Variants in BHMT observed in about 807,000 individuals in gnomAD.
BHMT encodes betaine--homocysteine S-methyltransferase, also known as betaine--homocysteine S-methyltransferase 1.
A neutral mutation model predicts 49.5 loss-of-function variants in BHMT; 38 were observed. The observed-to-expected ratio is 0.77, with a 90% CI of 0.59 to 1.01. BHMT has a LOEUF of 1.01. Among genes scored for constraint, BHMT ranks in the 50% least tolerant of loss-of-function variants. The pLI is 0.00. For synonymous variants in BHMT, 166 were observed against 176.3 expected (o/e 0.94, Z 0.46); for missense variants, 426 against 495.7 (o/e 0.86, Z 1.34).
chr5:79,118,362 A>G (rs612855), intron 2 of BHMT, among the ~76,000 whole-genome samples: 108,447 of 152,040 alleles, frequency 0.71, 39,081 homozygotes, highest in East Asian at 0.91. Context: ...AGCTACTTGG[A>G]AGGCTGAGGC....
Position 79,115,886 on chromosome 5 carries a change from G to A in BHMT, c.153G>A (p.Glu51=). Residue 51 remains glutamate, a synonymous_variant, in exon 2 of 8, where the codon GAG becomes GAA. Transcript: ENST00000274353. ...AGPWTPEAAV[E]HPEAVRQLHR... Reference sequence around the variant, plus strand: ...CCTGGACTCCTGAAGCTGCTGTGGAGCACCCAGAAGCAGGTTGGTGCAGAG... The same window carrying A: ...CCTGGACTCCTGAAGCTGCTGTGGAACACCCAGAAGCAGGTTGGTGCAGAG... The A allele has an allele frequency of 6.2e-7, 1 of 1,613,142 alleles. No homozygotes were observed. Among genetic ancestry groups the A allele is most frequent in the East Asian group, 2.2e-5 (1 of 44,826 alleles).
chr5:79,123,547 CG>C (rs1756507119), intron 5 of BHMT, among the ~76,000 whole-genome samples: 1 of 18,368 alleles, frequency 5.4e-5, no homozygotes, highest in Non-Finnish European at 1.4e-4. Flanking sequence ...TTGGTTGGTT[CG>C]TTGGTTGGTT....
At chr5:79,119,194 G>C in intron 2 of BHMT, 65 bp from the exon 3 acceptor site, 2 of 1,256,610 alleles carry the variant, frequency 1.6e-6, no homozygotes, top group South Asian at 2.8e-5. Flanking sequence ...GTTTATCTGA[G>C]AGCCATTTGA....
At position 79,126,117 on chromosome 5, in the gene BHMT, G is replaced by A; in HGVS notation, c.697G>A (p.Glu233Lys). Reference sequence around the variant, plus strand: ...TTTAAAAACAGTGAAGCTCATGAAGGAGGGCTTGGAGGCTGCCCGACTGAA... The same window carrying A: ...TTTAAAAACAGTGAAGCTCATGAAGAAGGGCTTGGAGGCTGCCCGACTGAA... ...ISLKTVKLMK[E>K]GLEAARLKAH... Residue 233 changes from glutamate to lysine, a missense_variant, in exon 6 of 8, where the codon GAG becomes AAG. Glu to Lys is a moderately conservative substitution (Grantham distance 56, BLOSUM62 1). Around this residue, in one of 3 missense-constraint regions of BHMT, gnomAD observed 321 missense variants for 355.9 expected, o/e 0.90. Transcript: ENST00000274353. The A allele has an allele frequency of 1.2e-6, 2 of 1,613,378 alleles. No homozygotes were observed. The highest frequency in any genetic ancestry group is 1.7e-6 in the Non-Finnish European group (2 of 1,179,364).
intron 2 of BHMT, among the ~76,000 whole-genome samples, chr5:79,118,716 G>A (rs1306886393): frequency 6.6e-6 from 1 of 152,066 alleles, no homozygotes; most frequent in African/African-American, 2.4e-5. Flanking sequence ...TATTATCTTT[G>A]CTCAGGCTAT....
At chr5:79,122,142 C>T (rs1424793419) in intron 5 of BHMT, among the ~76,000 whole-genome samples, 1 of 152,040 alleles carries the variant, frequency 6.6e-6, no homozygotes, top group Non-Finnish European at 1.5e-5. Flanking sequence ...CGGGGTTTCA[C>T]TATTTGGTCA....
chr5:79,119,672 A>C (rs991848039), intron 3 of BHMT: 1 of 242,546 alleles, frequency 4.1e-6, no homozygotes, highest in South Asian at 7.0e-5. Context: ...TTTCGTCCTT[A>C]ATGTTTTTAA....
intron 1 of BHMT, among the ~76,000 whole-genome samples, chr5:79,114,940 C>T (rs1382051127): frequency 1.3e-5 from 2 of 152,196 alleles, no homozygotes; most frequent in East Asian, 1.9e-4. Flanking sequence ...CATAGAACAA[C>T]ACCAGGGTGA....
At position 79,113,020 on chromosome 5, in the gene BHMT, T is replaced by C. The variant is rs867392737; in HGVS notation, c.33+1102T>C. 3.3e-5 allele frequency among the ~76,000 whole-genome samples: 5 copies of C among 152,298 alleles called. No homozygotes were observed. The South Asian group carries it at 1.0e-3, about 32-fold the overall frequency. On this transcript the variant is annotated intron_variant, in intron 1 of 7. Coordinates refer to ENST00000274353, the MANE Select transcript of BHMT (RefSeq NM_001713.3). ...GTAAGGACAGTGAGAAAGGTCCAGC[T>C]CTCATCCCAGTGCCTGCCCTGCTGG...
chr5:79,121,218 T>C lies in BHMT; in HGVS notation c.478T>C (p.Tyr160His), dbSNP rs149312676. The change falls in exon 5 of 8, where the codon TAT becomes CAT. Residue 160 changes from tyrosine to histidine, a missense_variant and splice_region_variant. Tyr to His is a moderately conservative substitution (Grantham distance 83). This residue lies in a region of BHMT where 321 missense variants were observed against 355.9 expected (regional missense o/e 0.90). Coordinates refer to ENST00000274353, the MANE Select transcript of BHMT (RefSeq NM_001713.3). ...GTACTCTAACCTTAACTGATTCCAGTATTTTGAACACGTTGAAGAAGCTGT... is the reference window on the plus strand; with the variant it reads ...GTACTCTAACCTTAACTGATTCCAGCATTTTGAACACGTTGAAGAAGCTGT... The part of the protein sequence containing the change: ...KKNVDFLIAE[Y>H]FEHVEEAVWA... The C allele has an allele frequency of 1.9e-6, 3 of 1,613,530 alleles. No homozygotes were observed. In the African/African-American group the frequency reaches 4.0e-5, roughly 22 times the overall value.
chr5:79,111,894 C>T lies in BHMT; in HGVS notation c.9C>T (p.Pro3=), dbSNP rs201066878. The change falls in exon 1 of 8, where the codon CCC becomes CCT. Residue 3 remains proline (P), a synonymous_variant. Coordinates refer to ENST00000274353, the MANE Select transcript of BHMT (RefSeq NM_001713.3). ...GTCTGGACACCACGAAGATGCCACC[C>T]GTTGGGGGCAAAAAGGCCAAGAAGG... MP[P]VGGKKAKKGI... The T allele has an allele frequency of 6.2e-7, 1 of 1,611,516 alleles. No individual in the cohort carries two copies. Among genetic ancestry groups the T allele is most frequent in the Non-Finnish European group, 8.5e-7 (1 of 1,178,912 alleles).
intron 7 of BHMT, among the ~76,000 whole-genome samples, chr5:79,130,180 G>T (rs1382644492): frequency 6.6e-6 from 1 of 151,484 alleles, no homozygotes; most frequent in African/African-American, 2.4e-5. Flanking sequence ...TCTCAAAAAA[G>T]AAATTCAAAG....
At chr5:79,128,149 G>A in intron 7 of BHMT, 166 bp downstream of exon 7, 1 of 913,140 alleles carries the variant, frequency 1.1e-6, no homozygotes, top group Non-Finnish European at 1.6e-6. Flanking sequence ...GATTTCTGGA[G>A]ATTGTTTTAA....
At chr5:79,112,310 C>T (rs1756314473) in intron 1 of BHMT, among the ~76,000 whole-genome samples, 1 of 152,220 alleles carries the variant, frequency 6.6e-6, no homozygotes, top group African/African-American at 2.4e-5. Context: ...ATCTGGCACC[C>T]CAAGACCAGA....
chr5:79,129,272 G>A (rs777871035), intron 7 of BHMT, among the ~76,000 whole-genome samples: 23 of 152,228 alleles, frequency 1.5e-4, no homozygotes, highest in Non-Finnish European at 2.9e-5. Context: ...GTGCATAGGT[G>A]TGCAGGGTCT....
At chr5:79,124,860 A>C (rs771051843) in intron 5 of BHMT, among the ~76,000 whole-genome samples, 2 of 152,194 alleles carry the variant, frequency 1.3e-5, no homozygotes, top group African/African-American at 2.4e-5. Flanking sequence ...AGGATTTTTG[A>C]GATTCTTTTT....
rs1378206067 is a variant in BHMT, at chr5:79,131,226, T to G, written c.*110T>G. 1.0e-6 allele frequency: 1 copy of G among 979,042 alleles called. No homozygotes were observed. The highest frequency in any genetic ancestry group is 1.5e-6 in the Non-Finnish European group (1 of 669,078). The allele number at this position is 979,042 out of a possible 1,614,324, so 60.6% of individuals were successfully genotyped here. ...GCTTTCATGAATGCCATCCTACACA[T>G]ATTATTGCTATTACCTGAACAAAAT... On this transcript the variant is annotated 3_prime_UTR_variant, in exon 8 of 8. Coordinates refer to ENST00000274353, the MANE Select transcript of BHMT (RefSeq NM_001713.3).
At chr5:79,121,925 T>C (rs1251822092) in intron 5 of BHMT, among the ~76,000 whole-genome samples, 1 of 151,970 alleles carries the variant, frequency 6.6e-6, no homozygotes, top group African/African-American at 2.4e-5. Flanking sequence ...TTAAACCAAA[T>C]TAAGCAGATA....
rs1320269570 is a variant in BHMT, at chr5:79,111,817, G to A, written c.-69G>A. ...GGCTGCGGACTCGGAGCAGCTCGGG[G>A]CTGCGCAGCGGGAAGGCTCGCCTAG... On this transcript the variant is annotated 5_prime_UTR_variant, in exon 1 of 8. Coordinates refer to ENST00000274353, the MANE Select transcript of BHMT (RefSeq NM_001713.3). 3.8e-6 allele frequency: 6 copies of A among 1,598,380 alleles called. No individual in the cohort carries two copies. Among genetic ancestry groups the A allele is most frequent in the Non-Finnish European group, 5.1e-6 (6 of 1,171,902 alleles).
Sources: gnomAD v4.1 joint callset for allele counts (sites outside exome capture counted in the v4.1 genomes callset) on GRCh38, gnomAD v4.1.1 for gene constraint, gnomAD v4.1.1 regional missense constraint, MANE v1.5 for transcripts, NCBI Gene and HGNC (gene_info 2026-07-23, HGNC 2026-07-21) for gene names.